CADPS: variants seen among roughly 807,000 people sequenced by gnomAD.
The protein encoded by CADPS is calcium dependent secretion activator.
Under a neutral mutation model 167.3 loss-of-function variants are expected in CADPS, and 57 were observed. The observed-to-expected ratio is 0.34, with a 90% confidence interval of 0.28 to 0.42. The LOEUF (loss-of-function observed/expected upper bound fraction) is 0.42, where lower values mean the gene tolerates loss of function less well. CADPS is among the 20% of genes least tolerant of loss of function. The pLI, the probability that CADPS is intolerant of heterozygous loss-of-function variation, is 1.00. For synonymous variants in CADPS, 676 were observed against 635.3 expected (o/e 1.06, Z -0.96); for missense variants, 1,414 against 1,738.1 (o/e 0.81, Z 3.32).
chr3:62,416,578 G>A (rs1275884900), intron 28 of CADPS, among the ~76,000 whole-genome samples: 2 of 152,112 alleles, frequency 1.3e-5, no homozygotes, highest in Non-Finnish European at 2.9e-5. Context: ...TGGATTTGAG[G>A]CTGTGAAACG....
chr3:62,528,283 T>A (rs1489520970), intron 13 of CADPS, among the ~76,000 whole-genome samples: 1 of 152,204 alleles, frequency 6.6e-6, no homozygotes, highest in East Asian at 1.9e-4. Flanking sequence ...TTATTTGTTA[T>A]GAGTTTCAGG....
chr3:62,845,781 T>C (rs1461725804), intron 1 of CADPS, among the ~76,000 whole-genome samples: 2 of 152,208 alleles, frequency 1.3e-5, no homozygotes, highest in African/African-American at 4.8e-5. Flanking sequence ...CAATTTCCGA[T>C]AGCCAAGATT....
At chr3:62,825,913 C>T (rs1438543499) in intron 1 of CADPS, among the ~76,000 whole-genome samples, 1 of 152,138 alleles carries the variant, frequency 6.6e-6, no homozygotes, top group African/African-American at 2.4e-5. Flanking sequence ...GAGATTTTCG[C>T]AGCACTTAAG....
intron 3 of CADPS, among the ~76,000 whole-genome samples, chr3:62,678,237 GA>G (rs1290179646): frequency 6.6e-6 from 1 of 152,060 alleles, no homozygotes; most frequent in Admixed American, 6.6e-5. Context: ...ATCAGAATAA[GA>G]GATGCAGAAA....
In CADPS at chr3:62,399,279, C is replaced by A; in HGVS notation, c.*127G>T. ...TCTTGGTACCACATAGCTAAAATGG[C>A]AGTTGTATTGATAAACATCTCATGG... On this transcript the variant is annotated 3_prime_UTR_variant, in exon 30 of 30. Transcript: ENST00000383710. This position sits in a 1 kb window ranked among gnomAD's most constrained non-coding sequence, Gnocchi z 5.6. The A allele has an allele frequency of 1.3e-6, 1 of 795,188 alleles. No homozygotes were observed. 49.3% of individuals were successfully genotyped at this position (795,188 alleles called of 1,614,324 possible).
chr3:62,593,196 G>C (rs1035352176), intron 6 of CADPS, among the ~76,000 whole-genome samples: 1 of 152,228 alleles, frequency 6.6e-6, no homozygotes, highest in Non-Finnish European at 1.5e-5. Flanking sequence ...TAGTGGTGGG[G>C]AGGTGGGGAG....
chr3:62,542,298 T>C (rs1441992233), intron 11 of CADPS, among the ~76,000 whole-genome samples: 1 of 152,140 alleles, frequency 6.6e-6, no homozygotes, highest in African/African-American at 2.4e-5. Flanking sequence ...AACTGCAAAT[T>C]AAAAGGTGAC....
At chr3:62,863,324 C>A (rs1165405377) in intron 1 of CADPS, among the ~76,000 whole-genome samples, 2 of 152,098 alleles carry the variant, frequency 1.3e-5, no homozygotes, top group Non-Finnish European at 1.5e-5. Context: ...TTGGTTTCCT[C>A]TTCTGTAGGA....
intron 8 of CADPS, among the ~76,000 whole-genome samples, chr3:62,575,024 A>G (rs949333458): frequency 3.9e-5 from 6 of 152,234 alleles, no homozygotes; most frequent in Admixed American, 6.5e-5. Context: ...TAGTTGTTTT[A>G]GTAATGACTA....
At position 62,654,927 on chromosome 3, in the gene CADPS, C is replaced by T. The variant is rs551792938; in HGVS notation, c.970-3847G>A. Among the ~76,000 whole-genome samples the T allele has an allele frequency of 1.0e-3, 159 of 152,268 alleles. 3 individuals are homozygous for T. The highest frequency in any genetic ancestry group is 0.01 in the Admixed American group (159 of 15,288). ...TTGTCAAGTGCGGTTCCTTCTATCA[C>T]AACTTATCTTAGGGACTCACTCAGT... On this transcript the variant is annotated intron_variant, in intron 4 of 29. Transcript: ENST00000383710.
intron 11 of CADPS, among the ~76,000 whole-genome samples, chr3:62,537,308 T>C (rs998240081): frequency 1.3e-5 from 2 of 152,208 alleles, no homozygotes; most frequent in African/African-American, 4.8e-5. Flanking sequence ...ATTAATAGTC[T>C]CAATGTATTC....
intron 1 of CADPS, among the ~76,000 whole-genome samples, chr3:62,847,569 G>A (rs1191013848): frequency 2.7e-5 from 1 of 37,276 alleles, no homozygotes; most frequent in Non-Finnish European, 5.1e-5. Flanking sequence ...GAGAATGATG[G>A]TTTCCAATTT....
chr3:62,604,253 A>G (rs1194055453), intron 6 of CADPS, among the ~76,000 whole-genome samples: 3 of 152,144 alleles, frequency 2.0e-5, no homozygotes, highest in African/African-American at 7.2e-5. Context: ...CTTCTGCTCC[A>G]GTAAGGTGTG....
intron 1 of CADPS, among the ~76,000 whole-genome samples, chr3:62,771,156 T>A (rs78826328): frequency 0.017 from 2,606 of 152,354 alleles, 74 homozygotes; most frequent in African/African-American, 0.058. Context: ...TTCTTGTTTA[T>A]AGCTATACAC....
At chr3:62,633,145 G>T (rs1479054289) in intron 6 of CADPS, among the ~76,000 whole-genome samples, 1 of 152,208 alleles carries the variant, frequency 6.6e-6, no homozygotes, top group Non-Finnish European at 1.5e-5. Flanking sequence ...AGAGGGCATA[G>T]TACCACCCTT....
At chr3:62,493,686 A>G in intron 18 of CADPS, 21 bp from the exon 19 acceptor site, 1 of 1,553,152 alleles carries the variant, frequency 6.4e-7, no homozygotes. Flanking sequence ...AATTAAATGA[A>G]AAAAATCAAG....
intron 17 of CADPS, among the ~76,000 whole-genome samples, chr3:62,511,779 C>A (rs1249108864): frequency 6.6e-6 from 1 of 151,980 alleles, no homozygotes; most frequent in Non-Finnish European, 1.5e-5. Flanking sequence ...ATATATAGAC[C>A]CATTTGCATG....
Position 62,435,667 on chromosome 3 carries a change from AT to A in CADPS, c.3777+2436del, listed in dbSNP as rs1022156819. On this transcript the variant is annotated intron_variant, in intron 28 of 29. Coordinates refer to ENST00000383710, the MANE Select transcript of CADPS (RefSeq NM_003716.4). ...TTATCTCTAAATAAGCTCCTGAAAA[AT>A]TTTTTTTTTTCCACGGGGCCGGGAG... Among the ~76,000 whole-genome samples the A allele has an allele frequency of 4.5e-4, 67 of 150,518 alleles. No individual in the cohort carries two copies. In the East Asian group the frequency reaches 7.0e-3, roughly 16 times the overall value.
chr3:62,603,896 G>A (rs535115598), intron 6 of CADPS, among the ~76,000 whole-genome samples: 2 of 151,598 alleles, frequency 1.3e-5, no homozygotes, highest in South Asian at 2.1e-4. Context: ...GCGTGATCTC[G>A]GCTCACTGCA....
Sources: allele counts gnomAD v4.1 joint callset (sites outside exome capture counted in the v4.1 genomes callset), GRCh38; gene constraint gnomAD v4.1.1; non-coding constraint Gnocchi (gnomAD v3.1); transcripts MANE v1.5; gene names NCBI Gene and HGNC (gene_info 2026-07-23, HGNC 2026-07-21).